The following DCAF6 variants were observed in gnomAD, a reference collection of about 807,000 sequenced individuals.
The protein encoded by DCAF6 is DDB1- and CUL4-associated factor 6.
In DCAF6, 54 loss-of-function variants were observed where a neutral mutation model predicts 125.1. The ratio of observed to expected loss-of-function variants is 0.43; its 90% CI spans 0.35 to 0.54. The LOEUF (loss-of-function observed/expected upper bound fraction) is 0.54, where lower values mean the gene tolerates loss of function less well. Ranked by LOEUF, DCAF6 falls within the 20% of genes least tolerant of loss-of-function variation. DCAF6 has a pLI of 0.01. For missense variants in DCAF6, 934 were observed against 1,161.7 expected (o/e 0.80, Z 2.85); for synonymous variants, 371 against 390.4 (o/e 0.95, Z 0.58).
At chr1:167,868,724 GA>G in the DCAF6 span, among the ~76,000 whole-genome samples, 1 of 152,156 alleles carries the variant, frequency 6.6e-6, no homozygotes, top group African/African-American at 2.4e-5. Flanking sequence ...TGCTTTCCGC[GA>G]AAAGCGAAAC....
rs1016848889 is a variant in DCAF6 at position 167,937,098 on chromosome 1, C to G, written c.97+90C>G. ...GCCGGGTCTGTTGGAGGTGGGACGG[C>G]GTCTCGGTGGGGGCGCCCGGAGACT... is the stretch of plus-strand genomic sequence containing the variant. On this transcript the variant is annotated intron_variant, in intron 1 of 21. Transcript: ENST00000367840. 47 of 1,177,930 alleles carry G rather than the reference C, an allele frequency of 4.0e-5. No individual in the cohort carries two copies. The African/African-American group carries it at 6.1e-4, about 15-fold the overall frequency. 73.0% of individuals were successfully genotyped at this position (1,177,930 alleles called of 1,614,324 possible).
intron 12 of DCAF6, among the ~76,000 whole-genome samples, chr1:168,025,469 C>CA (rs1686217752): frequency 6.6e-6 from 1 of 151,998 alleles, no homozygotes; most frequent in Non-Finnish European, 1.5e-5. Context: ...GAAGCTGCAC[C>CA]GTAGTAGACT....
Position 168,043,449 on chromosome 1 carries a change from A to C in DCAF6, c.1843+309A>C, listed in dbSNP as rs1194166986. On this transcript the variant is annotated intron_variant, in intron 14 of 21. Coordinates refer to ENST00000367840, the MANE Select transcript of DCAF6 (RefSeq NM_001198956.2). ...GTCTTTATCATTTTTATACCTAGCA[A>C]TGAAATCCACTGTATTTGTTTTGGT... 2.6e-5 allele frequency among the ~76,000 whole-genome samples: 4 copies of C among 152,144 alleles called. No individual in the cohort carries two copies. In the East Asian group the frequency reaches 7.7e-4, roughly 29 times the overall value.
chr1:168,021,275 A>G (rs1399915552), intron 11 of DCAF6, among the ~76,000 whole-genome samples: 2 of 152,148 alleles, frequency 1.3e-5, no homozygotes, highest in African/African-American at 2.4e-5. Flanking sequence ...TACGGCTCTT[A>G]AATTGTTAAA....
chr1:167,880,058 AGT>A, the DCAF6 span: 3 of 1,470,950 alleles, frequency 2.0e-6, no homozygotes, highest in African/African-American at 4.2e-5. Context: ...CGCAAAGCCC[AGT>A]GGCAAGGTGC....
chr1:168,038,247 C>A, intron 12 of DCAF6, 124 bp from the exon 13 acceptor site: 1 of 685,380 alleles, frequency 1.5e-6, no homozygotes. Flanking sequence ...AAATGAAACC[C>A]ATAACAGATG....
At chr1:167,893,927 C>T in the DCAF6 span, 1 of 1,612,976 alleles carries the variant, frequency 6.2e-7, no homozygotes, top group African/African-American at 1.3e-5. Flanking sequence ...AGCGTGCATG[C>T]AAGCCTCAGG....
At chr1:168,025,884 A>T (rs193257108) in intron 12 of DCAF6, among the ~76,000 whole-genome samples, 1 of 152,304 alleles carries the variant, frequency 6.6e-6, no homozygotes, top group African/African-American at 2.4e-5. Flanking sequence ...CAAAACCTAC[A>T]TGACTTGATT....
At chr1:167,905,239 T>C in the DCAF6 span, 5 of 1,369,520 alleles carry the variant, frequency 3.7e-6, no homozygotes, top group Non-Finnish European at 5.2e-6. Context: ...GATATATTCA[T>C]TTGCTCATTT....
At chr1:168,069,736 A>G (rs1692796506) in intron 21 of DCAF6, among the ~76,000 whole-genome samples, 2 of 152,226 alleles carry the variant, frequency 1.3e-5, no homozygotes, top group Non-Finnish European at 2.9e-5. Context: ...TCAAATGGTG[A>G]AAACAACAAC....
At position 168,020,364 on chromosome 1, in the gene DCAF6, A is replaced by G. The variant is rs1195689798; in HGVS notation, c.1550-2624A>G. On this transcript the variant is annotated intron_variant, in intron 11 of 21. Transcript: ENST00000367840. ...ATTTTTGTGATTTACCTGTTAGACT[A>G]TAATTGTCTATTTTTTCTACAGTGG... Among the ~76,000 whole-genome samples, 3 of 152,198 alleles carry G rather than the reference A, an allele frequency of 2.0e-5. No homozygotes were observed. In the South Asian group the frequency reaches 6.2e-4, roughly 32 times the overall value.
intron 21 of DCAF6, among the ~76,000 whole-genome samples, chr1:168,073,205 A>T (rs1401345555): frequency 6.6e-6 from 1 of 152,164 alleles, no homozygotes; most frequent in Non-Finnish European, 1.5e-5. Flanking sequence ...GAAAAACAGT[A>T]TACATAGAAG....
At chr1:168,048,472 A>G (rs1209030023) in intron 16 of DCAF6, among the ~76,000 whole-genome samples, 1 of 152,256 alleles carries the variant, frequency 6.6e-6, no homozygotes, top group Non-Finnish European at 1.5e-5. Context: ...TGAAAATATC[A>G]GAACAGTTCC....
chr1:167,905,285 C>G, the DCAF6 span: 1 of 1,016,464 alleles, frequency 9.8e-7, no homozygotes, highest in Non-Finnish European at 1.5e-6. Flanking sequence ...TTGTTCTAAC[C>G]TGCGGCCTGC....
intron 1 of DCAF6, among the ~76,000 whole-genome samples, chr1:167,950,003 A>G (rs1294600326): frequency 1.3e-5 from 2 of 152,192 alleles, no homozygotes; most frequent in Admixed American, 6.5e-5. Flanking sequence ...AAAGCTATCT[A>G]TTTAACCACA....
chr1:167,998,299 T>C lies in DCAF6; in HGVS notation c.904-4183T>C, dbSNP rs73026152. ...AAAATACTTCATTGCTAAAAAGTGC[T>C]AACAATCATCTGAACCTCAGTAAGT... On this transcript the variant is annotated intron_variant, in intron 7 of 21. Transcript: ENST00000367840. Among the ~76,000 whole-genome samples the C allele has an allele frequency of 5.9e-3, 900 of 152,304 alleles. 10 individuals carry two copies. The highest frequency in any genetic ancestry group is 0.02 in the African/African-American group (849 of 41,572).
chr1:167,899,308 A>C, the DCAF6 span: 1 of 1,048,250 alleles, frequency 9.5e-7, no homozygotes, highest in Non-Finnish European at 1.5e-6. Context: ...GACTGACCCC[A>C]TCCCAATCTC....
the DCAF6 span, chr1:167,880,271 T>A: frequency 7.7e-7 from 1 of 1,291,096 alleles, no homozygotes; most frequent in East Asian, 2.4e-5. Context: ...TGGGAAATAA[T>A]GTCTGGGTTG....
chr1:168,022,985 C>G lies in DCAF6; in HGVS notation c.1550-3C>G. 1 of 1,613,916 alleles carries G rather than the reference C, an allele frequency of 6.2e-7. No individual in the cohort carries two copies. The highest frequency in any genetic ancestry group is 8.5e-7 in the Non-Finnish European group (1 of 1,179,892). On this transcript the variant is annotated splice_polypyrimidine_tract_variant and splice_region_variant and intron_variant, in intron 11 of 21. Coordinates refer to ENST00000367840, the MANE Select transcript of DCAF6 (RefSeq NM_001198956.2). ...TTAAGTTGAAATCTCATTTTTGTTT[C>G]AGATTCTCCTTCTTCTGTGGTTAAC...
Sources: allele counts gnomAD v4.1 joint callset (sites outside exome capture counted in the v4.1 genomes callset), GRCh38; gene constraint gnomAD v4.1.1; transcripts MANE v1.5; gene names NCBI Gene and HGNC (gene_info 2026-07-23, HGNC 2026-07-21).